The following VPS13A variants were observed in gnomAD, a reference collection of about 807,000 sequenced individuals.
VPS13A encodes vacuolar protein sorting 13 homolog A.
VPS13A carries 264 observed loss-of-function variants against 390.9 expected under a neutral mutation model. That is an observed-to-expected ratio of 0.68 (90% confidence interval 0.61 to 0.75). The LOEUF (loss-of-function observed/expected upper bound fraction) is 0.75. Ranked by LOEUF, VPS13A falls within the 30% of genes least tolerant of loss-of-function variation. VPS13A has a pLI of 0.00. For synonymous variants in VPS13A, 1,231 were observed against 1,227.1 expected (o/e 1.00, Z -0.07); for missense variants, 3,409 against 3,733.9 (o/e 0.91, Z 2.27).
At chr9:77,398,238 G>A (rs1021896211) in intron 68 of VPS13A, among the ~76,000 whole-genome samples, 4 of 152,086 alleles carry the variant, frequency 2.6e-5, no homozygotes, top group Non-Finnish European at 4.4e-5. Context: ...ATTTTTTGAG[G>A]TACCATGAGG....
chr9:77,248,517 C>G (rs1824963115), intron 20 of VPS13A, among the ~76,000 whole-genome samples: 1 of 151,984 alleles, frequency 6.6e-6, no homozygotes, highest in Non-Finnish European at 1.5e-5. Context: ...CATGCCTGAC[C>G]CTTTTTTTCT....
intron 59 of VPS13A, 120 bp from the exon 60 acceptor site, chr9:77,365,330 TTCTGAGGCAA>T: frequency 1.5e-6 from 1 of 669,178 alleles, no homozygotes; most frequent in Non-Finnish European, 2.7e-6. Context: ...TTACTTTCCC[TTCTGAGGCAA>T]TCATAAGCAA....
At chr9:77,221,124 T>A in intron 12 of VPS13A, 61 bp from the exon 13 acceptor site, 5 of 1,480,166 alleles carry the variant, frequency 3.4e-6, no homozygotes, top group Non-Finnish European at 4.7e-6. Flanking sequence ...GTAGAAGCAA[T>A]GTCAGTAATG....
At chr9:77,213,115 A>C in intron 8 of VPS13A, 87 bp downstream of exon 8, 1 of 1,557,604 alleles carries the variant, frequency 6.4e-7, no homozygotes, top group Non-Finnish European at 8.8e-7. Flanking sequence ...ATGTATGTGA[A>C]TTTTGCTTAT....
Position 77,207,254 on chromosome 9 carries a change from A to ATATATATAT in VPS13A, c.385+1175_385+1176insTATATATAT, listed in dbSNP as rs1564630578. 8.9e-3 allele frequency among the ~76,000 whole-genome samples: 476 copies of ATATATATAT among 53,320 alleles called. 12 individuals carry two copies. The highest frequency in any genetic ancestry group is 0.044 in the East Asian group (49 of 1,106). The allele number at this position is 53,320 out of a possible 152,430, so 35.0% of individuals were successfully genotyped here. A position where few individuals can be genotyped will look rare whatever the true frequency, so the allele number is the denominator to read the frequency against. ...ATATATATATATATATATATATATA[A>ATATATATAT]AACGTGTTATATGTAACATAACATG... On this transcript the variant is annotated intron_variant, in intron 5 of 71. Transcript: ENST00000360280.
intron 68 of VPS13A, among the ~76,000 whole-genome samples, chr9:77,387,885 G>A (rs192093143): frequency 6.9e-6 from 1 of 144,354 alleles, no homozygotes; most frequent in Admixed American, 7.0e-5. Flanking sequence ...GAAAAATACT[G>A]TTGTTTCTGT....
intron 71 of VPS13A, among the ~76,000 whole-genome samples, chr9:77,414,791 T>C (rs1268558099): frequency 6.7e-6 from 1 of 149,052 alleles, no homozygotes; most frequent in East Asian, 1.9e-4. Flanking sequence ...AAGAGGACAT[T>C]TCTCCTATAC....
chr9:77,285,123 CTTT>C (rs1299830120), intron 31 of VPS13A, among the ~76,000 whole-genome samples: 1 of 152,144 alleles, frequency 6.6e-6, no homozygotes, highest in Non-Finnish European at 1.5e-5. Context: ...TTCCCTGTTT[CTTT>C]GATTCCATTG....
chr9:77,200,053 TCA>T (rs1825235190), intron 2 of VPS13A, 65 bp downstream of exon 2: 1 of 1,348,374 alleles, frequency 7.4e-7, no homozygotes, highest in South Asian at 1.3e-5. Flanking sequence ...TCTTCCTGAT[TCA>T]GTTTGTCACC....
In VPS13A at chr9:77,365,483, A is replaced by G. The variant is rs1440324757; in HGVS notation, c.8235A>G (p.Ile2745Met). The G allele has an allele frequency of 6.2e-6, 10 of 1,610,666 alleles. No individual in the cohort carries two copies. The highest frequency in any genetic ancestry group is 7.6e-6 in the Non-Finnish European group (9 of 1,177,450). Reference protein sequence around the residue: ...NTEVELFHKDIEAFKEEYKTA... With the variant: ...NTEVELFHKDMEAFKEEYKTA... ...AGGTTGAGCTTTTTCATAAAGATAT[A>G]GAAGCTTTCAAAGAAGAATATAAAA... is the stretch of plus-strand genomic sequence containing the variant. Residue 2745 changes from isoleucine to methionine, a missense_variant, in exon 60 of 72, where the codon ATA becomes ATG. Ile to Met is a conservative substitution (Grantham distance 10, BLOSUM62 1). Transcript: ENST00000360280.
chr9:77,388,341 CAAAT>C (rs1833773296), intron 68 of VPS13A, among the ~76,000 whole-genome samples: 1 of 152,122 alleles, frequency 6.6e-6, no homozygotes, highest in South Asian at 2.1e-4. Context: ...GAAAGTAAAA[CAAAT>C]AATTTCAAAT....
At chr9:77,232,637 T>G (rs970974340) in intron 17 of VPS13A, among the ~76,000 whole-genome samples, 2 of 152,156 alleles carry the variant, frequency 1.3e-5, no homozygotes, top group African/African-American at 4.8e-5. Context: ...CTCACAATCA[T>G]GGCAGAAAGC....
intron 27 of VPS13A, among the ~76,000 whole-genome samples, chr9:77,281,000 G>A (rs1404098245): frequency 6.6e-6 from 1 of 152,072 alleles, no homozygotes; most frequent in Admixed American, 6.5e-5. Context: ...TGAATGTGGA[G>A]GACATTATGC....
chr9:77,262,380 T>A (rs1274080680), intron 23 of VPS13A, among the ~76,000 whole-genome samples: 1 of 152,188 alleles, frequency 6.6e-6, no homozygotes, highest in Non-Finnish European at 1.5e-5. Flanking sequence ...GTTTAAATGC[T>A]TTTCTTTTGA....
At position 77,220,297 on chromosome 9, in the gene VPS13A, T is replaced by G. The variant is rs780283172; in HGVS notation, c.903T>G (p.Leu301=). Reference sequence around the variant, plus strand: ...TTTAGTATTTCAGTATTATGGAGCTTCTTGAATCAGTTGATATGATGGCAC... The same window carrying G: ...TTTAGTATTTCAGTATTATGGAGCTGCTTGAATCAGTTGATATGATGGCAC... The part of the protein sequence containing the change: ...NKPQYFSIME[L]LESVDMMAQN... The change falls in exon 12 of 72, where the codon CTT becomes CTG. Residue 301 remains leucine (L), a synonymous_variant. Transcript: ENST00000360280. The G allele has an allele frequency of 6.2e-6, 10 of 1,612,310 alleles. No individual in the cohort carries two copies. The highest frequency in any genetic ancestry group is 8.5e-6 in the Non-Finnish European group (10 of 1,179,038).
rs951051787 is a variant in VPS13A at position 77,417,084 on chromosome 9, T to G, written c.*1078T>G. On this transcript the variant is annotated 3_prime_UTR_variant, in exon 72 of 72. Transcript: ENST00000360280. ...TAAAAATAAGGACATGAGGTTTTCTTTCTTGGTTTTTGTCCAAGATCTTTG... is the reference window on the plus strand; with the variant it reads ...TAAAAATAAGGACATGAGGTTTTCTGTCTTGGTTTTTGTCCAAGATCTTTG... The G allele has an allele frequency of 2.0e-5, 3 of 152,216 alleles. No individual in the cohort carries two copies. The highest frequency in any genetic ancestry group is 4.4e-5 in the Non-Finnish European group (3 of 68,034). 9.4% of individuals were successfully genotyped at this position (152,216 alleles called of 1,614,324 possible). A position where few individuals can be genotyped will look rare whatever the true frequency, so the allele number is the denominator to read the frequency against.
chr9:77,331,112 A>G (rs948485927), intron 45 of VPS13A, among the ~76,000 whole-genome samples: 1 of 149,858 alleles, frequency 6.7e-6, no homozygotes, highest in Non-Finnish European at 1.5e-5. Flanking sequence ...TTTTTCTATT[A>G]TTGAGATTGT....
chr9:77,396,911 C>T (rs549297728), intron 68 of VPS13A, among the ~76,000 whole-genome samples: 1 of 152,300 alleles, frequency 6.6e-6, no homozygotes, highest in South Asian at 2.1e-4. Context: ...CTCAAATTAA[C>T]CAGTCTATAA....
rs777342535 is a variant in VPS13A at position 77,181,148 on chromosome 9, A to C, written c.100+3344A>C. Among the ~76,000 whole-genome samples, 5 of 152,280 alleles carry C rather than the reference A, an allele frequency of 3.3e-5. No homozygotes were observed. In the Middle Eastern group the frequency reaches 0.014, roughly 414 times the overall value. On this transcript the variant is annotated intron_variant, in intron 1 of 71. Coordinates refer to ENST00000360280, the MANE Select transcript of VPS13A (RefSeq NM_033305.3). ...AATAATAGCTGGAGTATTTTTTTAA[A>C]ATATTCTTTGAGAATTTCAAAAGTA...
Sources: allele counts gnomAD v4.1 joint callset (sites outside exome capture counted in the v4.1 genomes callset), GRCh38; gene constraint gnomAD v4.1.1; transcripts MANE v1.5; gene names NCBI Gene and HGNC (gene_info 2026-07-23, HGNC 2026-07-21).